The following ARHGAP10 variants were observed in gnomAD, a reference collection of about 807,000 sequenced individuals.
The protein encoded by ARHGAP10 is rho GTPase-activating protein 10.
Under a neutral mutation model 108.6 loss-of-function variants are expected in ARHGAP10, and 87 were observed. The ratio of observed to expected loss-of-function variants is 0.80; its 90% confidence interval spans 0.67 to 0.96. The LOEUF (loss-of-function observed/expected upper bound fraction) is 0.96, where lower values mean the gene tolerates loss of function less well. ARHGAP10 is among the 40% of genes least tolerant of loss of function. The pLI is 0.00. For synonymous variants in ARHGAP10, 347 were observed against 341.1 expected (o/e 1.02, Z -0.19); for missense variants, 939 against 954.5 (o/e 0.98, Z 0.21).
chr4:148,011,361 G>A (rs1741164815), intron 18 of ARHGAP10, among the ~76,000 whole-genome samples: 1 of 152,184 alleles, frequency 6.6e-6, no homozygotes, highest in African/African-American at 2.4e-5. Flanking sequence ...ATAGCTGTGG[G>A]CTGGAATCAT....
At chr4:147,910,001 G>C (rs1208541539) in intron 12 of ARHGAP10, among the ~76,000 whole-genome samples, 2 of 151,252 alleles carry the variant, frequency 1.3e-5, no homozygotes, top group Non-Finnish European at 2.9e-5. Context: ...TTTCCCATCT[G>C]TGGGCTTTTC....
chr4:148,033,645 CAA>C (rs1351996897), intron 19 of ARHGAP10, among the ~76,000 whole-genome samples: 1 of 152,114 alleles, frequency 6.6e-6, no homozygotes, highest in African/African-American at 2.4e-5. Context: ...GTTTAGTTTA[CAA>C]ATGTTTCAGC....
At chr4:148,022,740 G>C (rs1286800977) in intron 18 of ARHGAP10, among the ~76,000 whole-genome samples, 1 of 152,156 alleles carries the variant, frequency 6.6e-6, no homozygotes, top group East Asian at 1.9e-4. Context: ...ATAAAATCCA[G>C]AAAACATTTT....
chr4:147,887,613 G>T (rs1327039945), intron 10 of ARHGAP10, among the ~76,000 whole-genome samples: 1 of 152,036 alleles, frequency 6.6e-6, no homozygotes, highest in Non-Finnish European at 1.5e-5. Context: ...TGTAATCCCA[G>T]CACTTTGGGA....
At chr4:147,932,461 T>C (rs1737743840) in intron 13 of ARHGAP10, among the ~76,000 whole-genome samples, 1 of 152,234 alleles carries the variant, frequency 6.6e-6, no homozygotes, top group African/African-American at 2.4e-5. Context: ...TACCATGGAA[T>C]ACTATGCAGC....
intron 19 of ARHGAP10, among the ~76,000 whole-genome samples, chr4:148,036,253 G>T (rs1443117747): frequency 6.6e-6 from 1 of 152,106 alleles, no homozygotes; most frequent in Non-Finnish European, 1.5e-5. Flanking sequence ...TCTTTCTGTA[G>T]ATCTTATCTG....
chr4:147,986,878 A>G (rs1740063905), intron 18 of ARHGAP10, among the ~76,000 whole-genome samples: 1 of 152,210 alleles, frequency 6.6e-6, no homozygotes, highest in Admixed American at 6.5e-5. Context: ...ATTCAGACCC[A>G]GGCTGCCTGG....
intron 5 of ARHGAP10, chr4:147,861,614 T>A (rs190454260): frequency 6.6e-6 from 1 of 152,316 alleles, no homozygotes; most frequent in African/African-American, 2.4e-5. Flanking sequence ...AACAGAACAG[T>A]TCTCAGGAGA....
intron 14 of ARHGAP10, among the ~76,000 whole-genome samples, chr4:147,940,138 A>G (rs1480944573): frequency 2.6e-5 from 4 of 152,220 alleles, no homozygotes; most frequent in Non-Finnish European, 5.9e-5. Context: ...CTGGTTGACT[A>G]TCTTCCTGTG....
chr4:147,786,805 T>C (rs545653885), intron 1 of ARHGAP10, among the ~76,000 whole-genome samples: 10 of 152,302 alleles, frequency 6.6e-5, no homozygotes, highest in African/African-American at 2.2e-4. Flanking sequence ...GTTACAGAAA[T>C]GAGTCTGTAT....
chr4:147,782,708 A>AG (rs1460085299), intron 1 of ARHGAP10: 1 of 152,226 alleles, frequency 6.6e-6, no homozygotes, highest in Non-Finnish European at 1.5e-5. Flanking sequence ...ACTTGTTCTG[A>AG]GGGGTCAGAC....
intron 12 of ARHGAP10, among the ~76,000 whole-genome samples, chr4:147,911,111 T>C (rs1579190189): frequency 6.6e-6 from 1 of 152,296 alleles, no homozygotes; most frequent in East Asian, 1.9e-4. Context: ...TTAAAACATG[T>C]CTTTTTTAGA....
intron 15 of ARHGAP10, among the ~76,000 whole-genome samples, chr4:147,953,308 C>T (rs915028318): frequency 3.3e-5 from 5 of 151,926 alleles, no homozygotes; most frequent in African/African-American, 1.2e-4. Context: ...ATTATTCCCT[C>T]TTCTATTTTA....
chr4:147,928,819 T>C (rs981096485), intron 13 of ARHGAP10, among the ~76,000 whole-genome samples: 4 of 152,260 alleles, frequency 2.6e-5, no homozygotes, highest in African/African-American at 9.6e-5. Context: ...TTTTGAGTTT[T>C]ATACTACAAT....
intron 1 of ARHGAP10, among the ~76,000 whole-genome samples, chr4:147,746,998 A>G (rs540282043): frequency 1.2e-4 from 19 of 152,322 alleles, no homozygotes; most frequent in African/African-American, 4.6e-4. Flanking sequence ...GGGATGGCAT[A>G]CAGATGTTAA....
chr4:147,879,074 C>CTCT (rs1362776134), intron 8 of ARHGAP10, among the ~76,000 whole-genome samples, 158 bp from the exon 9 acceptor site: 5 of 152,144 alleles, frequency 3.3e-5, no homozygotes, highest in African/African-American at 7.2e-5. Flanking sequence ...CCGGCCTCCC[C>CTCT]TCTTCTTCTT....
chr4:147,737,623 T>G (rs770994898), intron 1 of ARHGAP10, among the ~76,000 whole-genome samples: 19 of 152,240 alleles, frequency 1.2e-4, no homozygotes, highest in Admixed American at 4.6e-4. Context: ...ACTCTTTGCC[T>G]TGAAGAAGTT....
Position 147,939,838 on chromosome 4 carries a change from A to G in ARHGAP10, c.1242A>G (p.Gln414=). ...SAVETRGIND[Q]GLYRVVGVSS... The stretch of plus-strand genomic sequence containing the variant: ...TTCTTCCCATAGGTATAAATGACCA[A>G]GGATTGTACAGAGTTGTGGGGGTGA... The change falls in exon 14 of 23, where the codon CAA becomes CAG. Residue 414 remains glutamine (Q), a synonymous_variant. Transcript: ENST00000336498. The G allele has an allele frequency of 1.2e-6, 2 of 1,614,046 alleles. No homozygotes were observed. Among genetic ancestry groups the G allele is most frequent in the Non-Finnish European group, 1.7e-6 (2 of 1,179,908 alleles).
intron 15 of ARHGAP10, among the ~76,000 whole-genome samples, chr4:147,947,466 G>A (rs910457891): frequency 2.6e-5 from 4 of 151,354 alleles, no homozygotes; most frequent in Non-Finnish European, 4.4e-5. Context: ...GCAGTGGCAC[G>A]ATCTTGGCTC....
Sources: gnomAD v4.1 joint callset for allele counts (sites outside exome capture counted in the v4.1 genomes callset) on GRCh38, gnomAD v4.1.1 for gene constraint, MANE v1.5 for transcripts, NCBI Gene and HGNC (gene_info 2026-07-23, HGNC 2026-07-21) for gene names.